CRNKL1: variants seen among roughly 807,000 people sequenced by gnomAD.
CRNKL1 encodes the protein crooked neck pre-mRNA splicing factor 1, also known as crooked neck-like protein 1.
A neutral mutation model predicts 103.7 loss-of-function variants in CRNKL1; 35 were observed. The ratio of observed to expected loss-of-function variants is 0.34; its 90% confidence interval spans 0.26 to 0.45. CRNKL1 has a LOEUF of 0.45. Among genes scored for constraint, CRNKL1 ranks in the 20% least tolerant of loss-of-function variants. The probability of loss-of-function intolerance (pLI) is 1.00; values close to 1 mark genes in which losing one functional copy is unlikely to be tolerated. For missense variants in CRNKL1, 645 were observed against 836.0 expected (o/e 0.77, Z 2.82); for synonymous variants, 267 against 282.6 (o/e 0.94, Z 0.55).
In CRNKL1 at chr20:20,045,611, C is replaced by T; in HGVS notation, c.623-125G>A. The T allele has an allele frequency of 5.2e-6, 4 of 769,880 alleles. 1 individual carries two copies. The South Asian group carries it at 8.1e-5, about 16-fold the overall frequency. The allele number at this position is 769,880 out of a possible 1,614,324, so 47.7% of individuals were successfully genotyped here. A position where few individuals can be genotyped will look rare whatever the true frequency, so the allele number is the denominator to read the frequency against. On this transcript the variant is annotated intron_variant, in intron 5 of 13. Transcript: ENST00000536226. ...AATTCAAACTACAACTCTAGGGGAA[C>T]AAAACACATACAAAAGTGTAGAATT...
At chr20:20,042,635 A>C in intron 7 of CRNKL1, 119 bp from the exon 8 acceptor site, 1 of 854,218 alleles carries the variant, frequency 1.2e-6, no homozygotes, top group Non-Finnish European at 1.8e-6. Context: ...TTTTCTTCTA[A>C]ATGTTACATG....
At chr20:20,039,924 G>C (rs2043485306) in intron 10 of CRNKL1, 76 bp from the exon 11 acceptor site, 2 of 1,427,114 alleles carry the variant, frequency 1.4e-6, no homozygotes, top group African/African-American at 2.8e-5. Context: ...TGCCCTAGAG[G>C]CTGTTCTCTG....
intron 5 of CRNKL1, among the ~76,000 whole-genome samples, chr20:20,047,295 CTTA>C (rs1434972919): frequency 6.6e-6 from 1 of 152,038 alleles, no homozygotes; most frequent in Admixed American, 6.5e-5. Flanking sequence ...CGTTTTTTTG[CTTA>C]TTATTCCTTA....
intron 5 of CRNKL1, among the ~76,000 whole-genome samples, chr20:20,047,285 C>T (rs186667597): frequency 1.2e-3 from 186 of 152,176 alleles, no homozygotes; most frequent in Non-Finnish European, 1.9e-3. Context: ...TTGAACATGT[C>T]GTTTTTTTGC....
intron 1 of CRNKL1, among the ~76,000 whole-genome samples, chr20:20,051,660 G>C (rs998681930): frequency 5.9e-5 from 9 of 152,218 alleles, no homozygotes; most frequent in Admixed American, 5.2e-4. Flanking sequence ...AGACTGGAGG[G>C]AGGGTATCTG....
intron 6 of CRNKL1, among the ~76,000 whole-genome samples, chr20:20,044,729 C>A (rs1417539070): frequency 2.6e-5 from 4 of 152,088 alleles, no homozygotes; most frequent in African/African-American, 9.7e-5. Flanking sequence ...AAGTGATACT[C>A]CTGCCTCAGC....
At chr20:20,037,657 A>G in intron 12 of CRNKL1, 86 bp from the exon 13 acceptor site, 1 of 1,323,072 alleles carries the variant, frequency 7.6e-7, no homozygotes. Flanking sequence ...TTCCCAGTTA[A>G]TGACATCGGA....
chr20:20,036,229 T>C lies in CRNKL1; in HGVS notation c.2030A>G (p.His677Arg). 3.1e-6 allele frequency: 5 copies of C among 1,614,200 alleles called. No individual in the cohort carries two copies. Among genetic ancestry groups the C allele is most frequent in the Non-Finnish European group, 4.2e-6 (5 of 1,180,026 alleles). Residue 677 changes from histidine to arginine, a missense_variant, in exon 14 of 14, where the codon CAT (histidine) becomes CGT (arginine). Physicochemically the swap from His to Arg is conservative, Grantham distance 29 (BLOSUM62 0). Around this residue, in one of 2 missense-constraint regions of CRNKL1, gnomAD observed 582 missense variants for 707.7 expected, o/e 0.82. Transcript: ENST00000536226. ...QQQEKEDAEH[H>R]PDEDVDESES Reference sequence around the variant, plus strand: ...ACTCTCATCGACGTCCTCATCTGGATGGTGCTCAGCATCCTCCTTTTCCTG... The same window carrying C: ...ACTCTCATCGACGTCCTCATCTGGACGGTGCTCAGCATCCTCCTTTTCCTG...
intron 13 of CRNKL1, among the ~76,000 whole-genome samples, chr20:20,036,797 C>T (rs2043425688): frequency 6.6e-6 from 1 of 152,224 alleles, no homozygotes; most frequent in Non-Finnish European, 1.5e-5. Context: ...TTCTAACAGG[C>T]CCTGTGGCCC....
Position 20,036,313 on chromosome 20 carries a change from G to C in CRNKL1, c.1946C>G (p.Ala649Gly). 1.2e-6 allele frequency: 2 copies of C among 1,614,178 alleles called. No homozygotes were observed. The highest frequency in any genetic ancestry group is 1.7e-6 in the Non-Finnish European group (2 of 1,180,012). ...EYFDYIFPEDAANQPNLKLLA... is the reference protein window; with the variant it reads ...EYFDYIFPEDGANQPNLKLLA... ...GAGTTTGAGGTTAGGTTGGTTGGCA[G>C]CATCTTCTGGAAAGATGTAATCAAA... The change falls in exon 14 of 14, where the codon GCT becomes GGT. Residue 649 changes from alanine (A) to glycine (G), a missense_variant. Ala to Gly is a moderately conservative substitution (Grantham distance 60). This residue lies in a region of CRNKL1 where 582 missense variants were observed against 707.7 expected (regional missense o/e 0.82). Coordinates refer to ENST00000536226, the MANE Select transcript of CRNKL1 (RefSeq NM_001278628.2).
intron 7 of CRNKL1, among the ~76,000 whole-genome samples, chr20:20,043,178 C>T (rs2146492430): frequency 1.3e-5 from 2 of 152,332 alleles, no homozygotes; most frequent in Middle Eastern, 3.4e-3. Context: ...ATCTCTGACT[C>T]TTCCACCTTC....
At chr20:20,045,939 GT>G (rs2043588017) in intron 5 of CRNKL1, among the ~76,000 whole-genome samples, 1 of 152,140 alleles carries the variant, frequency 6.6e-6, no homozygotes, top group African/African-American at 2.4e-5. Context: ...ACCGTAAGCG[GT>G]CAATAATGGT....
intron 10 of CRNKL1, among the ~76,000 whole-genome samples, 166 bp downstream of exon 10, chr20:20,040,520 G>C (rs962981313): frequency 2.6e-5 from 4 of 152,154 alleles, no homozygotes; most frequent in Non-Finnish European, 5.9e-5. Flanking sequence ...CGCATTATTA[G>C]TCAGTGTTTT....
chr20:20,050,205 T>C (rs112058408), intron 2 of CRNKL1, among the ~76,000 whole-genome samples: 2,228 of 152,342 alleles, frequency 0.015, 49 homozygotes, highest in African/African-American at 0.051. Context: ...TTGTCAGTTG[T>C]TCCATCTGCT....
chr20:20,039,468 G>A (rs923655842), intron 11 of CRNKL1, 141 bp downstream of exon 11: 22 of 1,014,802 alleles, frequency 2.2e-5, no homozygotes, highest in South Asian at 6.5e-5. Flanking sequence ...ACCTTTCCAC[G>A]TACAAGCCTA....
intron 2 of CRNKL1, 143 bp downstream of exon 2, chr20:20,050,327 C>A: frequency 1.7e-6 from 1 of 591,844 alleles, no homozygotes; most frequent in South Asian, 3.1e-5. Flanking sequence ...ATGCTGTTAT[C>A]TGGTAACCAG....
upstream of CRNKL1, chr20:20,052,556 G>C (rs777592703): frequency 6.2e-7 from 1 of 1,614,156 alleles, no homozygotes; most frequent in Admixed American, 1.7e-5. Flanking sequence ...CCTTGCGGCA[G>C]CGCGTGGAGT....
chr20:20,042,217 A>T (rs2146490693), intron 8 of CRNKL1, 108 bp downstream of exon 8: 2 of 1,030,940 alleles, frequency 1.9e-6, no homozygotes, highest in Non-Finnish European at 2.7e-6. Context: ...ATAAAAATTT[A>T]AAACTAAATT....
chr20:20,053,132 A>G (rs2043896911), upstream of CRNKL1, among the ~76,000 whole-genome samples: 1 of 152,244 alleles, frequency 6.6e-6, no homozygotes, highest in Admixed American at 6.5e-5. Flanking sequence ...AACAAGGCTA[A>G]TAACATCTGT....
Sources: allele counts gnomAD v4.1 joint callset (sites outside exome capture counted in the v4.1 genomes callset), GRCh38; gene constraint gnomAD v4.1.1; regional missense constraint gnomAD v4.1.1; transcripts MANE v1.5; gene names NCBI Gene and HGNC (gene_info 2026-07-23, HGNC 2026-07-21).